LRRC40: variants seen among roughly 807,000 people sequenced by gnomAD.
LRRC40 encodes leucine rich repeat containing 40, also known as leucine-rich repeat-containing protein 40.
A neutral mutation model predicts 72.8 loss-of-function variants in LRRC40; 76 were observed. The ratio of observed to expected loss-of-function variants is 1.04; its 90% CI spans 0.87 to 1.26. LRRC40 has a LOEUF of 1.26. Among genes scored for constraint, LRRC40 ranks in the 50% most tolerant of loss-of-function variants. The probability of loss-of-function intolerance (pLI) is 0.00; values close to 1 mark genes in which losing one functional copy is unlikely to be tolerated. For missense variants in LRRC40, 684 were observed against 698.9 expected (o/e 0.98, Z 0.24); for synonymous variants, 243 against 254.2 (o/e 0.96, Z 0.42).
chr1:70,148,409 T>C (rs1037542313), intron 14 of LRRC40, 78 bp downstream of exon 14: 1 of 1,257,252 alleles, frequency 8.0e-7, no homozygotes, highest in Non-Finnish European at 1.1e-6. Context: ...TCTTGCAAAT[T>C]TATCTGAAAA....
At position 70,189,412 on chromosome 1, in the gene LRRC40, T is replaced by A. The variant is rs534983630; in HGVS notation, c.152-139A>T. 5.8e-6 allele frequency: 4 copies of A among 685,706 alleles called. No homozygotes were observed. The African/African-American group carries it at 7.2e-5, about 12-fold the overall frequency. The allele number at this position is 685,706 out of a possible 1,614,324, so 42.5% of individuals were successfully genotyped here. A position where few individuals can be genotyped will look rare whatever the true frequency, so the allele number is the denominator to read the frequency against. ...AACATTTTCTAAAACAAAAAATAAG[T>A]TAAATAGCAATAAATATAACTAGAG... On this transcript the variant is annotated intron_variant, in intron 1 of 14. Coordinates refer to ENST00000370952, the MANE Select transcript of LRRC40 (RefSeq NM_017768.5).
Position 70,175,931 on chromosome 1 carries a change from T to C in LRRC40, c.856A>G (p.Lys286Glu). ...QIEMLEAEHL[K>E]HLNSILVLDL... The stretch of plus-strand genomic sequence containing the variant: ...AGCACAAGAATTGAATTCAGATGTT[T>C]AAGATGTTCTGCCTCTAACATTTCA... Residue 286 changes from lysine (K) to glutamate (E), a missense_variant, in exon 7 of 15, where the codon AAA (lysine) becomes GAA (glutamate). Lys to Glu is a moderately conservative substitution (Grantham distance 56). Coordinates refer to ENST00000370952, the MANE Select transcript of LRRC40 (RefSeq NM_017768.5). The C allele has an allele frequency of 3.8e-6, 6 of 1,595,828 alleles. No homozygotes were observed. The highest frequency in any genetic ancestry group is 4.3e-6 in the Non-Finnish European group (5 of 1,174,560).
In LRRC40 at chr1:70,148,525, T is replaced by C; in HGVS notation, c.1665A>G (p.Leu555=). The C allele has an allele frequency of 6.2e-7, 1 of 1,613,512 alleles. No individual in the cohort carries two copies. The highest frequency in any genetic ancestry group is 8.5e-7 in the Non-Finnish European group (1 of 1,179,604). ...AATTACCGAGCTCTGGTGGAATTTG[T>C]AAGAGGTCATTATTTTGAAGGTCCA... ...TTLDLQNNDL[L]QIPPELGNCV... Residue 555 remains leucine, a synonymous_variant, in exon 14 of 15, where the codon TTA becomes TTG. Transcript: ENST00000370952.
chr1:70,151,950 T>C (rs1370194530), intron 12 of LRRC40: 1 of 152,192 alleles, frequency 6.6e-6, no homozygotes, highest in Non-Finnish European at 1.5e-5. Flanking sequence ...AACCTATTTC[T>C]TTGTGTTCAG....
chr1:70,187,182 T>A, intron 3 of LRRC40, 83 bp downstream of exon 3: 2 of 691,456 alleles, frequency 2.9e-6, no homozygotes, highest in South Asian at 3.6e-5. Context: ...TCAAAGATAT[T>A]TTTAATGTTG....
At chr1:70,176,853 T>G (rs1399388218) in intron 6 of LRRC40, among the ~76,000 whole-genome samples, 1 of 152,202 alleles carries the variant, frequency 6.6e-6, no homozygotes, top group Non-Finnish European at 1.5e-5. Context: ...GCATTTAATA[T>G]ATGTAGATAC....
rs763999672 is a variant in LRRC40 at position 70,145,914 on chromosome 1, A to G, written c.1704-9T>C. On this transcript the variant is annotated splice_polypyrimidine_tract_variant and intron_variant, in intron 14 of 14. Transcript: ENST00000370952. ...CATCCAGTAGTAATGTTCTAAACAAAAGAGAGAAATTGAGAATGTAAACAT... is the reference window on the plus strand; with the variant it reads ...CATCCAGTAGTAATGTTCTAAACAAGAGAGAGAAATTGAGAATGTAAACAT... 21 of 1,398,242 alleles carry G rather than the reference A, an allele frequency of 1.5e-5. No individual in the cohort carries two copies. The highest frequency in any genetic ancestry group is 2.1e-5 in the Non-Finnish European group (21 of 997,444). 86.6% of individuals were successfully genotyped at this position (1,398,242 alleles called of 1,614,324 possible).
At chr1:70,177,006 T>C (rs1462131736) in intron 6 of LRRC40, among the ~76,000 whole-genome samples, 1 of 152,224 alleles carries the variant, frequency 6.6e-6, no homozygotes, top group African/African-American at 2.4e-5. Flanking sequence ...CCAGGCACGG[T>C]GGCTCACGCC....
In LRRC40 at chr1:70,145,740, T is replaced by A; in HGVS notation, c.*60A>T. The A allele has an allele frequency of 1.2e-6, 1 of 831,888 alleles. No individual in the cohort carries two copies. Among genetic ancestry groups the A allele is most frequent in the South Asian group, 1.7e-5 (1 of 57,496 alleles). The allele number at this position is 831,888 out of a possible 1,614,324, so 51.5% of individuals were successfully genotyped here. On this transcript the variant is annotated 3_prime_UTR_variant, in exon 15 of 15. Coordinates refer to ENST00000370952, the MANE Select transcript of LRRC40 (RefSeq NM_017768.5). ...AGATGATACTAAAACAAATGTTACA[T>A]CCTCCTTAGAATTAACCAGGGTTAA...
chr1:70,205,462 C>A lies in LRRC40; in HGVS notation c.79G>T (p.Val27Leu), dbSNP rs528483793. The part of the protein sequence containing the change: ...KAGGRDCGTS[V>L]PQGLLKAARK... ...GCTGCCTTCAACAGCCCTTGGGGTA[C>A]CGAGGTACCGCAGTCTCTTCCACCT... is the stretch of plus-strand genomic sequence containing the variant. The change falls in exon 1 of 15, where the codon GTA becomes TTA. Residue 27 changes from valine to leucine, a missense_variant. Transcript: ENST00000370952. 5.6e-6 allele frequency: 9 copies of A among 1,610,240 alleles called. No homozygotes were observed. In the East Asian group the frequency reaches 2.0e-4, roughly 36 times the overall value.
chr1:70,184,950 T>C (rs1252165862), intron 3 of LRRC40, 36 bp from the exon 4 acceptor site: 1 of 1,512,922 alleles, frequency 6.6e-7, no homozygotes, highest in South Asian at 1.2e-5. Context: ...AATAATTTAG[T>C]GGCAATACAA....
chr1:70,193,975 C>T (rs753017652), intron 1 of LRRC40, among the ~76,000 whole-genome samples: 1 of 152,046 alleles, frequency 6.6e-6, no homozygotes, highest in Non-Finnish European at 1.5e-5. Context: ...CTAAAACTAA[C>T]ACCATACTTA....
Position 70,187,767 on chromosome 1 carries a change from G to T in LRRC40, c.334-429C>A, listed in dbSNP as rs561501343. ...GATTGCTTGAGCCTAGGAGGTCAAGGCTGCAGTGAGCCCACATTGTGCCAC... is the reference window on the plus strand; with the variant it reads ...GATTGCTTGAGCCTAGGAGGTCAAGTCTGCAGTGAGCCCACATTGTGCCAC... On this transcript the variant is annotated intron_variant, in intron 2 of 14. Transcript: ENST00000370952. 8.6e-4 allele frequency among the ~76,000 whole-genome samples: 131 copies of T among 152,022 alleles called. 1 individual carries two copies. The highest frequency in any genetic ancestry group is 3.4e-3 in the Middle Eastern group (1 of 294).
intron 1 of LRRC40, among the ~76,000 whole-genome samples, chr1:70,203,142 C>T (rs1571504274): frequency 1.3e-5 from 2 of 152,286 alleles, no homozygotes; most frequent in East Asian, 3.9e-4. Flanking sequence ...ATCCTCCTGC[C>T]TCTCAATTTG....
chr1:70,179,058 AC>A lies in LRRC40; in HGVS notation c.662-66del, dbSNP rs1480367172. The A allele has an allele frequency of 3.0e-6, 3 of 985,472 alleles. No individual in the cohort carries two copies. In the African/African-American group the frequency reaches 5.0e-5, roughly 16 times the overall value. The allele number at this position is 985,472 out of a possible 1,614,324, so 61.0% of individuals were successfully genotyped here. On this transcript the variant is annotated intron_variant, in intron 5 of 14. Coordinates refer to ENST00000370952, the MANE Select transcript of LRRC40 (RefSeq NM_017768.5). ...AAAAATTAGTTTCTGATCGTATACA[AC>A]TTTAAAGAATGTGTAAGAAATCGCT...
At chr1:70,173,899 T>C (rs1413752938) in intron 7 of LRRC40, among the ~76,000 whole-genome samples, 190 bp from the exon 8 acceptor site, 1 of 152,026 alleles carries the variant, frequency 6.6e-6, no homozygotes, top group Non-Finnish European at 1.5e-5. Context: ...TCAGATTTGT[T>C]TTCAAAATTG....
chr1:70,203,480 C>T (rs1007320004), intron 1 of LRRC40, among the ~76,000 whole-genome samples: 22 of 152,022 alleles, frequency 1.4e-4, no homozygotes, highest in Admixed American at 6.5e-4. Context: ...TCATAAGGCA[C>T]TACAGCCTTA....
At chr1:70,197,235 T>C (rs1399862517) in intron 1 of LRRC40, among the ~76,000 whole-genome samples, 1 of 134,604 alleles carries the variant, frequency 7.4e-6, no homozygotes, top group Non-Finnish European at 1.5e-5. Context: ...ATGGTCCTTA[T>C]AGATACTGGG....
intron 5 of LRRC40, among the ~76,000 whole-genome samples, chr1:70,180,709 C>T (rs1375429519): frequency 2.6e-5 from 4 of 152,048 alleles, no homozygotes; most frequent in Admixed American, 6.6e-5. Context: ...GACATTATTA[C>T]TTATGGACCA....
Sources: allele counts gnomAD v4.1 joint callset (sites outside exome capture counted in the v4.1 genomes callset), GRCh38; gene constraint gnomAD v4.1.1; transcripts MANE v1.5; gene names NCBI Gene and HGNC (gene_info 2026-07-23, HGNC 2026-07-21).